The following DLGAP2 variants were observed in gnomAD, a reference collection of about 807,000 sequenced individuals.
DLGAP2 encodes the protein DLG associated protein 2.
DLGAP2 carries 26 observed loss-of-function variants against 100.3 expected under a neutral mutation model. The ratio of observed to expected loss-of-function variants is 0.26; its 90% confidence interval spans 0.19 to 0.36. The LOEUF (loss-of-function observed/expected upper bound fraction) is 0.36, where lower values mean the gene tolerates loss of function less well. Ranked by LOEUF, DLGAP2 falls within the 10% of genes least tolerant of loss-of-function variation. The pLI, the probability that DLGAP2 is intolerant of heterozygous loss-of-function variation, is 1.00. For missense variants in DLGAP2, 1,858 were observed against 1,453.2 expected (o/e 1.28, Z -4.53); for synonymous variants, 886 against 630.1 (o/e 1.41, Z -6.08).
intron 3 of DLGAP2, among the ~76,000 whole-genome samples, chr8:1,469,882 C>T (rs1015458594): frequency 2.0e-5 from 3 of 151,714 alleles, no homozygotes; most frequent in Non-Finnish European, 4.4e-5. Flanking sequence ...GAGGGCCAAG[C>T]GTGGTGGTTT....
intron 12 of DLGAP2, chr8:1,680,598 C>A (rs1411346089): frequency 1.3e-5 from 2 of 152,222 alleles, no homozygotes; most frequent in East Asian, 1.9e-4. Flanking sequence ...TCCACGTGAC[C>A]CACAGTCCCC....
At chr8:1,224,196 C>G (rs1272112768) in intron 2 of DLGAP2, among the ~76,000 whole-genome samples, 2 of 152,148 alleles carry the variant, frequency 1.3e-5, no homozygotes, top group Non-Finnish European at 2.9e-5. Flanking sequence ...ATGAAAATAT[C>G]TCTTATTTTA....
intron 1 of DLGAP2, among the ~76,000 whole-genome samples, chr8:840,402 G>A (rs192482886): frequency 3.1e-5 from 4 of 128,996 alleles, no homozygotes; most frequent in East Asian, 2.7e-4. Context: ...TTCTGCGAGC[G>A]CGTCCACATG....
In DLGAP2 at chr8:1,326,526, C is replaced by T. The variant is rs868015303; in HGVS notation, c.106+67643C>T. On this transcript the variant is annotated intron_variant, in intron 3 of 14. Transcript: ENST00000637795. ...TCAGGACACGGCGTGCACTCGGTCT[C>T]GGTCCGGTCCTGTCTTTCAGGACAT... 1.5e-4 allele frequency among the ~76,000 whole-genome samples: 22 copies of T among 151,554 alleles called. No individual in the cohort carries two copies. The Middle Eastern group carries it at 0.017, about 118-fold the overall frequency.
Position 1,504,602 on chromosome 8 carries a change from C to G in DLGAP2, c.172+3171C>G, listed in dbSNP as rs143421660. Among the ~76,000 whole-genome samples, 929 of 152,306 alleles carry G rather than the reference C, an allele frequency of 6.1e-3. 5 individuals are homozygous for G. The highest frequency in any genetic ancestry group is 0.01 in the Non-Finnish European group (693 of 68,028). On this transcript the variant is annotated intron_variant, in intron 4 of 14. Transcript: ENST00000637795. Reference sequence around the variant, plus strand: ...CTGTTCTACCCTCTGCTTCTGAGTTCTATGCTTTCAGATTCCACGTGTAAG... The same window carrying G: ...CTGTTCTACCCTCTGCTTCTGAGTTGTATGCTTTCAGATTCCACGTGTAAG...
chr8:1,262,768 G>A lies in DLGAP2; in HGVS notation c.106+3885G>A, dbSNP rs143330255. On this transcript the variant is annotated intron_variant, in intron 3 of 14. Coordinates refer to ENST00000637795, the MANE Select transcript of DLGAP2 (RefSeq NM_001346810.2). ...CGATATAATCTGTCAATTTAATATC[G>A]GAAAATAATTTAAGAGTACCTGATT... Among the ~76,000 whole-genome samples the A allele has an allele frequency of 9.9e-3, 1,502 of 152,210 alleles. 9 individuals are homozygous for A. The highest frequency in any genetic ancestry group is 0.048 in the Middle Eastern group (14 of 294).
At position 1,671,390 on chromosome 8, in the gene DLGAP2, G is replaced by C. The variant is rs112859045; in HGVS notation, c.2202+1606G>C. On this transcript the variant is annotated intron_variant, in intron 10 of 14. Coordinates refer to ENST00000637795, the MANE Select transcript of DLGAP2 (RefSeq NM_001346810.2). ...TTGGGCACAGTTTTGTCTGAGTGCA[G>C]ATAGCAGGAGAATCTGTGTTCTGCG... 5.1e-3 allele frequency among the ~76,000 whole-genome samples: 777 copies of C among 152,346 alleles called. 6 individuals are homozygous for C. The highest frequency in any genetic ancestry group is 0.018 in the African/African-American group (740 of 41,588).
intron 2 of DLGAP2, among the ~76,000 whole-genome samples, chr8:1,186,360 G>C (rs1797505014): frequency 6.6e-6 from 1 of 152,198 alleles, no homozygotes; most frequent in Non-Finnish European, 1.5e-5. Flanking sequence ...CATCGACATA[G>C]AATCTGCCAG....
chr8:1,589,721 T>A (rs1796234204), intron 6 of DLGAP2, among the ~76,000 whole-genome samples: 1 of 152,194 alleles, frequency 6.6e-6, no homozygotes, highest in South Asian at 2.1e-4. Flanking sequence ...AAAGAAGATG[T>A]ACAGTAAGGG....
chr8:950,085 C>T (rs1029737094), intron 2 of DLGAP2, among the ~76,000 whole-genome samples: 2 of 152,200 alleles, frequency 1.3e-5, no homozygotes, highest in Non-Finnish European at 1.5e-5. Flanking sequence ...CCGGCAGCAC[C>T]TGCCTTGGTG....
At chr8:1,274,887 A>G (rs979571620) in intron 3 of DLGAP2, among the ~76,000 whole-genome samples, 2 of 152,086 alleles carry the variant, frequency 1.3e-5, no homozygotes, top group Non-Finnish European at 2.9e-5. Flanking sequence ...GGTAGCAATT[A>G]CTTTATGAAT....
chr8:1,138,664 G>A (rs1796465884), intron 2 of DLGAP2, among the ~76,000 whole-genome samples: 1 of 152,214 alleles, frequency 6.6e-6, no homozygotes, highest in Admixed American at 6.5e-5. Context: ...CTCCCTCTCA[G>A]GTCTGCAAAA....
In DLGAP2 at chr8:1,549,282, A is replaced by T; in HGVS notation, c.829A>T (p.Arg277Trp). The stretch of plus-strand genomic sequence containing the variant: ...CGCCCACCACGCCAAGCACAGCAAG[A>T]GGAGCAAGAGCAAGGAGCGCAAGCC... Reference protein sequence around the residue: ...HHAHHAKHSKRSKSKERKPEG... With the variant: ...HHAHHAKHSKWSKSKERKPEG... The change falls in exon 5 of 15, where the codon AGG (arginine) becomes TGG (tryptophan). Residue 277 changes from arginine to tryptophan, a missense_variant. Coordinates refer to ENST00000637795, the MANE Select transcript of DLGAP2 (RefSeq NM_001346810.2). 5 of 1,612,068 alleles carry T rather than the reference A, an allele frequency of 3.1e-6. No individual in the cohort carries two copies. Among genetic ancestry groups the T allele is most frequent in the Non-Finnish European group, 3.4e-6 (4 of 1,179,592 alleles).
intron 2 of DLGAP2, among the ~76,000 whole-genome samples, chr8:909,213 C>T (rs762447182): frequency 4.6e-5 from 7 of 151,972 alleles, no homozygotes; most frequent in Non-Finnish European, 1.0e-4. Context: ...ATTTTTGGGC[C>T]TCTTTTTATT....
intron 2 of DLGAP2, among the ~76,000 whole-genome samples, chr8:1,231,940 C>T (rs891183768): frequency 1.3e-5 from 2 of 151,868 alleles, no homozygotes; most frequent in African/African-American, 4.8e-5. Context: ...CACATGTACC[C>T]CTGAATGTAA....
chr8:1,172,953 T>C (rs974677970), intron 2 of DLGAP2, among the ~76,000 whole-genome samples: 21 of 152,198 alleles, frequency 1.4e-4, no homozygotes, highest in Non-Finnish European at 2.6e-4. Context: ...GGAGGAGAGG[T>C]GCTCTGCTTT....
At chr8:1,655,351 G>C (rs1798259358) in intron 8 of DLGAP2, among the ~76,000 whole-genome samples, 1 of 152,184 alleles carries the variant, frequency 6.6e-6, no homozygotes, top group Non-Finnish European at 1.5e-5. Context: ...TCATGGGCTT[G>C]ATGACTGTAA....
At chr8:1,618,044 A>T (rs1384455058) in intron 6 of DLGAP2, among the ~76,000 whole-genome samples, 1 of 152,204 alleles carries the variant, frequency 6.6e-6, no homozygotes, top group Middle Eastern at 3.2e-3. Flanking sequence ...GATGAGATAA[A>T]ACACGAGGAT....
chr8:1,556,024 A>G (rs1477866957), intron 5 of DLGAP2, among the ~76,000 whole-genome samples: 1 of 152,230 alleles, frequency 6.6e-6, no homozygotes, highest in Non-Finnish European at 1.5e-5. Context: ...CCAGGGGAGA[A>G]TGACATGGCC....
Sources: allele counts gnomAD v4.1 joint callset (sites outside exome capture counted in the v4.1 genomes callset), GRCh38; gene constraint gnomAD v4.1.1; transcripts MANE v1.5; gene names NCBI Gene and HGNC (gene_info 2026-07-23, HGNC 2026-07-21).